NCKAP5: variants seen among roughly 807,000 people sequenced by gnomAD.
NCKAP5 encodes the protein nck-associated protein 5.
A neutral mutation model predicts 167.0 loss-of-function variants in NCKAP5; 92 were observed. That is an observed-to-expected ratio of 0.55 (90% CI 0.47 to 0.66). The LOEUF (loss-of-function observed/expected upper bound fraction) is 0.66. Ranked by LOEUF, NCKAP5 falls within the 30% of genes least tolerant of loss-of-function variation. The pLI is 0.00. For synonymous variants in NCKAP5, 891 were observed against 877.4 expected (o/e 1.02, Z -0.27); for missense variants, 2,378 against 2,315.0 (o/e 1.03, Z -0.56).
intron 3 of NCKAP5, among the ~76,000 whole-genome samples, chr2:133,460,626 T>C (rs1005358611): frequency 1.3e-5 from 2 of 152,182 alleles, no homozygotes; most frequent in Non-Finnish European, 2.9e-5. Context: ...AGAATAGCCA[T>C]TGAACATTTA....
At chr2:132,995,431 A>G (rs2077566416) in intron 6 of NCKAP5, among the ~76,000 whole-genome samples, 1 of 151,884 alleles carries the variant, frequency 6.6e-6, no homozygotes, top group Non-Finnish European at 1.5e-5. Context: ...TGGGTGGGTC[A>G]CCTGAGGTCA....
chr2:133,212,783 T>G lies in NCKAP5; in HGVS notation c.207+933A>C, dbSNP rs72846307. Among the ~76,000 whole-genome samples, 271 of 152,354 alleles carry G rather than the reference T, an allele frequency of 1.8e-3. 3 individuals are homozygous for G. The highest frequency in any genetic ancestry group is 2.6e-3 in the Non-Finnish European group (180 of 68,032). On this transcript the variant is annotated intron_variant, in intron 5 of 19. Coordinates refer to ENST00000409261, the MANE Select transcript of NCKAP5 (RefSeq NM_207363.3). Reference sequence around the variant, plus strand: ...ATTTTAGCATGTTCAAGGGCCACTGTGCCTTCCAGACCCCACTCAACATTT... The same window carrying G: ...ATTTTAGCATGTTCAAGGGCCACTGGGCCTTCCAGACCCCACTCAACATTT...
At chr2:133,271,360 G>T (rs2089503567) in intron 4 of NCKAP5, among the ~76,000 whole-genome samples, 1 of 152,052 alleles carries the variant, frequency 6.6e-6, no homozygotes, top group Non-Finnish European at 1.5e-5. Context: ...CTGACTTTTT[G>T]TTAACTGCGA....
Position 133,208,615 on chromosome 2 carries a change from A to C in NCKAP5, c.207+5101T>G, listed in dbSNP as rs147970951. The stretch of plus-strand genomic sequence containing the variant: ...TAAGTAAATTTAATGCGTTTCTTGG[A>C]TTGGATCCTGGAGCAGAAAAAGGAC... On this transcript the variant is annotated intron_variant, in intron 5 of 19. Coordinates refer to ENST00000409261, the MANE Select transcript of NCKAP5 (RefSeq NM_207363.3). Among the ~76,000 whole-genome samples the C allele has an allele frequency of 4.2e-3, 642 of 152,300 alleles. 2 individuals carry two copies. The highest frequency in any genetic ancestry group is 0.015 in the African/African-American group (605 of 41,556).
the NCKAP5 span, among the ~76,000 whole-genome samples, chr2:133,580,511 T>G: frequency 6.6e-6 from 1 of 152,154 alleles, no homozygotes; most frequent in Non-Finnish European, 1.5e-5. Flanking sequence ...TTTAATAATT[T>G]GGGGGGATGT....
chr2:133,495,773 G>C (rs1681890214), intron 3 of NCKAP5, among the ~76,000 whole-genome samples: 1 of 152,138 alleles, frequency 6.6e-6, no homozygotes, highest in Admixed American at 6.5e-5. Flanking sequence ...TAGTAGATCT[G>C]GGTAGAATTA....
the NCKAP5 span, among the ~76,000 whole-genome samples, chr2:133,614,363 G>A: frequency 6.6e-6 from 1 of 152,154 alleles, no homozygotes; most frequent in Non-Finnish European, 1.5e-5. Flanking sequence ...GCTACGGGAT[G>A]AAATTCAAAC....
chr2:132,989,362 G>A (rs2077387558), intron 7 of NCKAP5, among the ~76,000 whole-genome samples: 1 of 152,162 alleles, frequency 6.6e-6, no homozygotes, highest in African/African-American at 2.4e-5. Context: ...GGTGGTGTGA[G>A]TGACACAAAT....
chr2:133,072,711 C>T (rs1272853791), intron 6 of NCKAP5, among the ~76,000 whole-genome samples: 1 of 152,152 alleles, frequency 6.6e-6, no homozygotes, highest in African/African-American at 2.4e-5. Context: ...AATGTCTCTG[C>T]CTACATGTTG....
chr2:132,763,568 T>C (rs993250938), intron 16 of NCKAP5, among the ~76,000 whole-genome samples: 1 of 152,228 alleles, frequency 6.6e-6, no homozygotes, highest in Non-Finnish European at 1.5e-5. Flanking sequence ...TTGGTATCAG[T>C]ATTTTTAGAG....
chr2:133,192,028 A>G (rs1375725501), intron 5 of NCKAP5, among the ~76,000 whole-genome samples: 3 of 152,078 alleles, frequency 2.0e-5, no homozygotes, highest in Non-Finnish European at 4.4e-5. Context: ...AGTGAGATGA[A>G]TCTACTAAAT....
intron 19 of NCKAP5, among the ~76,000 whole-genome samples, chr2:132,724,119 C>T (rs1009416058): frequency 6.6e-6 from 1 of 152,122 alleles, no homozygotes; most frequent in Non-Finnish European, 1.5e-5. Context: ...CTGGCTCACT[C>T]ACTCTCCTGC....
chr2:133,144,543 T>C (rs1251438302), intron 5 of NCKAP5, among the ~76,000 whole-genome samples: 1 of 152,104 alleles, frequency 6.6e-6, no homozygotes. Context: ...ATTTGAAACC[T>C]CTTCCCCGAA....
chr2:132,823,453 G>A (rs577437129), intron 11 of NCKAP5, among the ~76,000 whole-genome samples: 1 of 152,126 alleles, frequency 6.6e-6, no homozygotes, highest in Non-Finnish European at 1.5e-5. Flanking sequence ...GTGAAACTAA[G>A]CTTCATAAAT....
chr2:132,854,898 G>C (rs1270310669), intron 11 of NCKAP5, among the ~76,000 whole-genome samples: 1 of 152,144 alleles, frequency 6.6e-6, no homozygotes, highest in Non-Finnish European at 1.5e-5. Context: ...GAAAACCTAT[G>C]TCATGCTCTG....
intron 3 of NCKAP5, among the ~76,000 whole-genome samples, chr2:133,332,091 C>G (rs1031016547): frequency 4.5e-4 from 69 of 152,122 alleles, no homozygotes; most frequent in African/African-American, 1.7e-3. Context: ...AAAAGTGTGC[C>G]CTCAGGGAGA....
At chr2:133,148,533 A>G (rs2083280061) in intron 5 of NCKAP5, among the ~76,000 whole-genome samples, 1 of 152,118 alleles carries the variant, frequency 6.6e-6, no homozygotes, top group Non-Finnish European at 1.5e-5. Flanking sequence ...GAAGTGCTTC[A>G]ATTTGCTGTC....
intron 3 of NCKAP5, among the ~76,000 whole-genome samples, chr2:133,501,730 A>C (rs577168972): frequency 2.0e-5 from 3 of 152,366 alleles, no homozygotes; most frequent in Non-Finnish European, 2.9e-5. Flanking sequence ...CTAACTAGTT[A>C]ATATTAACAA....
chr2:133,147,723 C>T (rs1447081393), intron 5 of NCKAP5, among the ~76,000 whole-genome samples: 1 of 152,100 alleles, frequency 6.6e-6, no homozygotes, highest in Non-Finnish European at 1.5e-5. Flanking sequence ...ACACCCTGAC[C>T]TTTCACATGG....
Sources: gnomAD v4.1 joint callset for allele counts (sites outside exome capture counted in the v4.1 genomes callset) on GRCh38, gnomAD v4.1.1 for gene constraint, MANE v1.5 for transcripts, NCBI Gene and HGNC (gene_info 2026-07-23, HGNC 2026-07-21) for gene names.